The following NFIA variants were observed in gnomAD, a reference collection of about 807,000 sequenced individuals.
NFIA encodes nuclear factor I A.
A neutral mutation model predicts 62.8 loss-of-function variants in NFIA; 8 were observed. That is an observed-to-expected ratio of 0.13 (90% CI 0.07 to 0.23). The LOEUF (loss-of-function observed/expected upper bound fraction) is 0.23, where lower values mean the gene tolerates loss of function less well. Ranked by LOEUF, NFIA falls within the 10% of genes least tolerant of loss-of-function variation. NFIA has a pLI of 1.00. For missense variants in NFIA, 410 were observed against 642.1 expected, an observed-to-expected ratio of 0.64 and a Z score of 3.91; for synonymous variants, 235 against 238.1, an observed-to-expected ratio of 0.99 and a Z score of 0.12.
At chr1:61,162,047 A>G (rs1649245554) in intron 2 of NFIA, among the ~76,000 whole-genome samples, 1 of 152,214 alleles carries the variant, frequency 6.6e-6, no homozygotes, top group Admixed American at 6.5e-5. Flanking sequence ...CAGTGGTTTC[A>G]AATATTATTT....
intron 3 of NFIA, among the ~76,000 whole-genome samples, chr1:61,302,238 A>G (rs1430305751): frequency 6.6e-6 from 1 of 152,138 alleles, no homozygotes; most frequent in Non-Finnish European, 1.5e-5. Context: ...GTCATATAGA[A>G]CCTATATGGA....
chr1:61,098,818 A>ATT (rs1646461336), intron 2 of NFIA, among the ~76,000 whole-genome samples: 1 of 152,226 alleles, frequency 6.6e-6, no homozygotes, highest in African/African-American at 2.4e-5. Flanking sequence ...AAATTAATGT[A>ATT]TTTTAGAGTT....
intron 2 of NFIA, chr1:61,253,349 A>AGAT (rs773378422): frequency 6.6e-6 from 1 of 152,354 alleles, no homozygotes; most frequent in Non-Finnish European, 1.5e-5. Context: ...CTCCAGTTCC[A>AGAT]GATGAGCTAG....
chr1:61,293,048 G>A (rs1189968492), intron 3 of NFIA, among the ~76,000 whole-genome samples: 4 of 152,160 alleles, frequency 2.6e-5, no homozygotes, highest in East Asian at 1.9e-4. Context: ...GTAGGAGGGC[G>A]AGTTTGGGCA....
chr1:61,351,195 A>G (rs1251102005), intron 4 of NFIA, among the ~76,000 whole-genome samples: 2 of 152,254 alleles, frequency 1.3e-5, no homozygotes, highest in African/African-American at 4.8e-5. Flanking sequence ...GCCTCATTGT[A>G]AGTTGAGCAC....
At chr1:61,257,457 G>C (rs919244136) in intron 2 of NFIA, among the ~76,000 whole-genome samples, 1 of 147,500 alleles carries the variant, frequency 6.8e-6, no homozygotes, top group Non-Finnish European at 1.5e-5. Context: ...CCTGACTCAG[G>C]CTCCCGAGTA....
At chr1:61,089,064 T>G (rs1367939632) in intron 2 of NFIA, among the ~76,000 whole-genome samples, 1 of 152,206 alleles carries the variant, frequency 6.6e-6, no homozygotes, top group Admixed American at 6.5e-5. Context: ...ATATTTTTAG[T>G]TGGTTTTCTG....
chr1:61,171,110 A>G (rs1329007128), intron 2 of NFIA, among the ~76,000 whole-genome samples: 1 of 152,132 alleles, frequency 6.6e-6, no homozygotes, highest in Non-Finnish European at 1.5e-5. Context: ...TGGCTATGTA[A>G]CCTTGGAAGA....
intron 3 of NFIA, among the ~76,000 whole-genome samples, chr1:61,294,189 C>T (rs1932004): frequency 0.49 from 74,040 of 152,028 alleles, 20,151 homozygotes; most frequent in Admixed American, 0.66. Flanking sequence ...TTTCTTAATG[C>T]TTACATTGAA....
At chr1:61,396,885 C>T (rs935609014) in intron 7 of NFIA, among the ~76,000 whole-genome samples, 1 of 151,992 alleles carries the variant, frequency 6.6e-6, no homozygotes, top group African/African-American at 2.4e-5. Flanking sequence ...ACCTGTAGTC[C>T]CAGCTACTCG....
intron 3 of NFIA, among the ~76,000 whole-genome samples, chr1:61,330,114 A>C (rs1366604489): frequency 6.6e-6 from 1 of 152,188 alleles, no homozygotes; most frequent in African/African-American, 2.4e-5. Flanking sequence ...TTTTGGGTGC[A>C]GTAGAAAATG....
At chr1:61,160,504 C>T (rs1344163264) in intron 2 of NFIA, among the ~76,000 whole-genome samples, 1 of 152,166 alleles carries the variant, frequency 6.6e-6, no homozygotes, top group Admixed American at 6.5e-5. Flanking sequence ...TCTGTGTGAT[C>T]TCTAGACACT....
intron 2 of NFIA, among the ~76,000 whole-genome samples, chr1:61,233,616 G>A (rs1441331285): frequency 6.6e-6 from 1 of 152,142 alleles, no homozygotes; most frequent in East Asian, 1.9e-4. Context: ...TTGAAATCCT[G>A]GGGCCTTATG....
In NFIA at chr1:61,444,273, G is replaced by A. The variant is rs142088397; in HGVS notation, c.1513-11030G>A. 2.6e-3 allele frequency among the ~76,000 whole-genome samples: 400 copies of A among 152,280 alleles called. 4 individuals are homozygous for A. The highest frequency in any genetic ancestry group is 9.3e-3 in the African/African-American group (386 of 41,554). On this transcript the variant is annotated intron_variant, in intron 10 of 10. Coordinates refer to ENST00000403491, the MANE Select transcript of NFIA (RefSeq NM_001134673.4). ...AATGCCTTTTAGGGAAAATTAAGAA[G>A]CAAAGTTCTCCTGGCCCCTGCCCTG...
At chr1:61,201,189 A>G (rs1212587310) in intron 2 of NFIA, among the ~76,000 whole-genome samples, 1 of 152,194 alleles carries the variant, frequency 6.6e-6, no homozygotes, top group Non-Finnish European at 1.5e-5. Flanking sequence ...GTAAAGAATC[A>G]GTATCTTTTA....
intron 5 of NFIA, among the ~76,000 whole-genome samples, chr1:61,356,163 A>T (rs1662941816): frequency 6.6e-6 from 1 of 152,180 alleles, no homozygotes; most frequent in Non-Finnish European, 1.5e-5. Context: ...TCAGTAGCCC[A>T]ATTCAGCAGT....
intron 4 of NFIA, among the ~76,000 whole-genome samples, chr1:61,345,707 C>T (rs928973590): frequency 1.3e-5 from 2 of 152,154 alleles, no homozygotes; most frequent in African/African-American, 4.8e-5. Context: ...GTTGCAGCCT[C>T]CTTATGAGAG....
At chr1:61,318,045 G>T (rs140691838) in intron 3 of NFIA, among the ~76,000 whole-genome samples, 7 of 152,086 alleles carry the variant, frequency 4.6e-5, no homozygotes, top group Admixed American at 1.3e-4. Context: ...TTTGAAAGAT[G>T]AATGAACATT....
intron 9 of NFIA, among the ~76,000 whole-genome samples, chr1:61,422,788 C>T (rs1489739707): frequency 2.6e-5 from 4 of 151,876 alleles, no homozygotes. Flanking sequence ...GATGATTCCC[C>T]TACTAACCCT....
Sources: allele counts gnomAD v4.1 joint callset (sites outside exome capture counted in the v4.1 genomes callset), GRCh38; gene constraint gnomAD v4.1.1; transcripts MANE v1.5; gene names NCBI Gene and HGNC (gene_info 2026-07-23, HGNC 2026-07-21).